FRMD4A: variants seen among roughly 807,000 people sequenced by gnomAD.
FRMD4A encodes FERM domain containing 4A.
FRMD4A carries 29 observed loss-of-function variants against 129.1 expected under a neutral mutation model. That is an observed-to-expected ratio of 0.22 (90% CI 0.17 to 0.31). FRMD4A has a LOEUF of 0.31. Ranked by LOEUF, FRMD4A falls within the 10% of genes least tolerant of loss-of-function variation. The probability of loss-of-function intolerance (pLI) is 1.00; values close to 1 mark genes in which losing one functional copy is unlikely to be tolerated. For missense variants in FRMD4A, 1,272 were observed against 1,375.8 expected, an observed-to-expected ratio of 0.92 and a Z score of 1.19; for synonymous variants, 634 against 571.6, an observed-to-expected ratio of 1.11 and a Z score of -1.56.
intron 2 of FRMD4A, among the ~76,000 whole-genome samples, chr10:14,128,081 TTTC>T (rs1839019411): frequency 8.7e-6 from 1 of 114,904 alleles, no homozygotes; most frequent in Admixed American, 9.4e-5. Context: ...TCTTTCTTTC[TTTC>T]TTTCTTTCTT....
At chr10:13,850,624 C>T (rs2094127877) in intron 3 of FRMD4A, among the ~76,000 whole-genome samples, 1 of 152,036 alleles carries the variant, frequency 6.6e-6, no homozygotes, top group African/African-American at 2.4e-5. Flanking sequence ...GGTTCGAAGT[C>T]TTTGGTTGCC....
intron 2 of FRMD4A, among the ~76,000 whole-genome samples, chr10:14,116,424 GTGTTTTATTTC>G (rs1838200796): frequency 1.3e-5 from 2 of 152,212 alleles, no homozygotes; most frequent in Admixed American, 6.5e-5. Flanking sequence ...AAATAATGCA[GTGTTTTATTTC>G]TTGTGTATTC....
chr10:13,755,652 A>T (rs1183096240), intron 8 of FRMD4A, among the ~76,000 whole-genome samples: 1 of 152,182 alleles, frequency 6.6e-6, no homozygotes, highest in Non-Finnish European at 1.5e-5. Flanking sequence ...TGATTGGGTG[A>T]TGCATTGTTC....
chr10:14,082,703 G>T (rs1835999511), intron 2 of FRMD4A, among the ~76,000 whole-genome samples: 1 of 152,132 alleles, frequency 6.6e-6, no homozygotes, highest in Admixed American at 6.5e-5. Context: ...AAAGAGAATG[G>T]CTTTGTAGCC....
At chr10:14,199,763 A>ACCACAGGCACCCCC (rs1186857455) in intron 2 of FRMD4A, among the ~76,000 whole-genome samples, 1 of 150,530 alleles carries the variant, frequency 6.6e-6, no homozygotes. Flanking sequence ...TTTTAATCTT[A>ACCACAGGCACCCCC]ATCTTTCATT....
chr10:13,733,756 T>C (rs564178031), intron 12 of FRMD4A, among the ~76,000 whole-genome samples: 1 of 152,320 alleles, frequency 6.6e-6, no homozygotes, highest in Admixed American at 6.5e-5. Context: ...TATATTCAGA[T>C]TGTACATTCA....
At chr10:13,695,091 A>G (rs745467574) in intron 14 of FRMD4A, among the ~76,000 whole-genome samples, 2 of 152,194 alleles carry the variant, frequency 1.3e-5, no homozygotes, top group Non-Finnish European at 2.9e-5. Flanking sequence ...AAGAATAATT[A>G]GAAAAAACTC....
At chr10:13,736,876 T>C (rs866603514) in intron 12 of FRMD4A, among the ~76,000 whole-genome samples, 2 of 152,224 alleles carry the variant, frequency 1.3e-5, no homozygotes, top group Admixed American at 1.3e-4. Context: ...ATTTTTCAAT[T>C]TGTTCTGGTC....
intron 2 of FRMD4A, among the ~76,000 whole-genome samples, chr10:14,038,493 C>T (rs556997818): frequency 6.6e-6 from 1 of 152,288 alleles, no homozygotes; most frequent in Non-Finnish European, 1.5e-5. Context: ...AAATATTCCT[C>T]TTAGTCCAAT....
intron 2 of FRMD4A, among the ~76,000 whole-genome samples, chr10:14,198,271 G>A (rs138416276): frequency 1.6e-4 from 24 of 152,320 alleles, no homozygotes; most frequent in Non-Finnish European, 2.6e-4. Flanking sequence ...GTCTTGGAGC[G>A]AGAGTGATGG....
At chr10:13,971,906 A>AG (rs1204772742) in intron 2 of FRMD4A, 3 of 1,261,182 alleles carry the variant, frequency 2.4e-6, no homozygotes, top group African/African-American at 1.5e-5. Context: ...TAATCAGGCA[A>AG]GGAAAAAATG....
chr10:13,957,972 AC>A (rs2095419990), intron 2 of FRMD4A, among the ~76,000 whole-genome samples: 1 of 151,528 alleles, frequency 6.6e-6, no homozygotes, highest in Non-Finnish European at 1.5e-5. Context: ...GCCTATGTAA[AC>A]CCTGCCTGTT....
chr10:14,324,549 C>T (rs1163604338), intron 2 of FRMD4A, among the ~76,000 whole-genome samples: 1 of 152,218 alleles, frequency 6.6e-6, no homozygotes, highest in East Asian at 1.9e-4. Context: ...CACTGTATTA[C>T]TATGTAATTA....
intron 2 of FRMD4A, among the ~76,000 whole-genome samples, chr10:14,004,704 C>T (rs562328325): frequency 2.6e-5 from 4 of 152,308 alleles, no homozygotes; most frequent in Admixed American, 2.0e-4. Context: ...TTTACAAGCA[C>T]TGCAAAGGGG....
intron 2 of FRMD4A, among the ~76,000 whole-genome samples, chr10:14,231,819 C>T (rs1400523389): frequency 6.6e-6 from 1 of 152,116 alleles, no homozygotes; most frequent in Non-Finnish European, 1.5e-5. Context: ...CTTATAGATG[C>T]TCGATATTAG....
chr10:13,797,085 G>A (rs1031727616), intron 4 of FRMD4A, among the ~76,000 whole-genome samples: 16 of 152,204 alleles, frequency 1.1e-4, no homozygotes, highest in Admixed American at 6.5e-5. Flanking sequence ...GGGATACCGA[G>A]TCAGCAGTGG....
intron 2 of FRMD4A, among the ~76,000 whole-genome samples, chr10:14,151,643 A>C (rs1470207512): frequency 6.6e-6 from 1 of 152,158 alleles, no homozygotes; most frequent in Non-Finnish European, 1.5e-5. Context: ...CTCTAAATAA[A>C]AAATAAAATT....
At position 14,057,801 on chromosome 10, in the gene FRMD4A, C is replaced by A. The variant is rs578085340; in HGVS notation, c.46-198889G>T. 4.6e-5 allele frequency among the ~76,000 whole-genome samples: 7 copies of A among 152,276 alleles called. No homozygotes were observed. The East Asian group carries it at 1.2e-3, about 25-fold the overall frequency. ...GTCAGGCTGGTCTCAAACTCCTGACCTCAGGTGATCCACCCATCTTGGCCT... is the reference window on the plus strand; with the variant it reads ...GTCAGGCTGGTCTCAAACTCCTGACATCAGGTGATCCACCCATCTTGGCCT... On this transcript the variant is annotated intron_variant, in intron 2 of 24. Coordinates refer to ENST00000357447, the MANE Select transcript of FRMD4A (RefSeq NM_018027.5).
At chr10:14,207,321 C>T (rs578208660) in intron 2 of FRMD4A, among the ~76,000 whole-genome samples, 7 of 152,108 alleles carry the variant, frequency 4.6e-5, no homozygotes, top group South Asian at 2.1e-4. Flanking sequence ...GTGATGGTTT[C>T]GGGATGATTC....
Sources: gnomAD v4.1 joint callset for allele counts (sites outside exome capture counted in the v4.1 genomes callset) on GRCh38, gnomAD v4.1.1 for gene constraint, MANE v1.5 for transcripts, NCBI Gene and HGNC (gene_info 2026-07-23, HGNC 2026-07-21) for gene names.